NKAIN4: variants seen among roughly 807,000 people sequenced by gnomAD.
NKAIN4 encodes sodium/potassium-transporting ATPase subunit beta-1-interacting protein 4.
Under a neutral mutation model 28.8 loss-of-function variants are expected in NKAIN4, and 28 were observed. That is an observed-to-expected ratio of 0.97 (90% CI 0.72 to 1.33). NKAIN4 has a LOEUF of 1.33. NKAIN4 is among the 40% of genes most tolerant of loss of function. The pLI is 0.00. For synonymous variants in NKAIN4, 122 were observed against 115.6 expected (o/e 1.06, Z -0.36); for missense variants, 289 against 277.2 (o/e 1.04, Z -0.30).
intron 2 of NKAIN4, among the ~76,000 whole-genome samples, chr20:63,249,680 TCGTGAAGG>T (rs371376719): frequency 1.1e-3 from 167 of 152,202 alleles, no homozygotes; most frequent in African/African-American, 3.8e-3. Flanking sequence ...GGGGATGAAT[TCGTGAAGG>T]CGTTCAGTGC....
chr20:63,244,407 G>GCCCAGGCTGGATGAAC, intron 4 of NKAIN4: 1 of 509,034 alleles, frequency 2.0e-6, no homozygotes, highest in South Asian at 1.5e-5. Flanking sequence ...GGACACAGAA[G>GCCCAGGCTGGATGAAC]CCCAGGCTGG....
chr20:63,248,748 G>A lies in NKAIN4; in HGVS notation c.273+67C>T, dbSNP rs556789198. 196 of 985,330 alleles carry A rather than the reference G, an allele frequency of 2.0e-4. No homozygotes were observed. In the African/African-American group the frequency reaches 2.7e-3, roughly 14 times the overall value. 61.0% of individuals were successfully genotyped at this position (985,330 alleles called of 1,614,324 possible). ...CGACAGATGAAAAGCAAACACAGGG[G>A]GTGTTACCAGGGGCCCGGCCCAGAC... On this transcript the variant is annotated intron_variant, in intron 3 of 6. Transcript: ENST00000370316.
chr20:63,251,289 C>T (rs6010883), intron 1 of NKAIN4, among the ~76,000 whole-genome samples: 128,611 of 151,934 alleles, frequency 0.85, 54,569 homozygotes, highest in East Asian at 0.97. Flanking sequence ...AACATGAAGG[C>T]GGACTAGGAG....
rs551813353 is a variant in NKAIN4, at chr20:63,247,917, C to T, written c.274-142G>A. On this transcript the variant is annotated intron_variant, in intron 3 of 6. Transcript: ENST00000370316. ...TCCCCTGTCCTCCCACTGCACCCCGCCCCCAGGGCTCCAGCCATGGTGGGG... is the reference window on the plus strand; with the variant it reads ...TCCCCTGTCCTCCCACTGCACCCCGTCCCCAGGGCTCCAGCCATGGTGGGG... 1.7e-5 allele frequency: 20 copies of T among 1,211,108 alleles called. No homozygotes were observed. The Admixed American group carries it at 5.8e-4, about 35-fold the overall frequency. 75.0% of individuals were successfully genotyped at this position (1,211,108 alleles called of 1,614,324 possible).
intron 4 of NKAIN4, chr20:63,246,655 C>T (rs893970230): frequency 3.0e-6 from 3 of 985,252 alleles, no homozygotes; most frequent in Non-Finnish European, 2.4e-6. Context: ...CACCACCGTG[C>T]GCACCAGGAA....
At chr20:63,253,693 A>G (rs1212954312) in intron 1 of NKAIN4, among the ~76,000 whole-genome samples, 1 of 152,016 alleles carries the variant, frequency 6.6e-6, no homozygotes, top group Non-Finnish European at 1.5e-5. Flanking sequence ...CAGGCGTCCC[A>G]GGGAGCTTCG....
chr20:63,241,729 C>G (rs1415649322), intron 6 of NKAIN4: 5 of 687,320 alleles, frequency 7.3e-6, no homozygotes, highest in Non-Finnish European at 1.4e-5. Flanking sequence ...TTGCTGACAT[C>G]TCAGTGGGGT....
intron 4 of NKAIN4, among the ~76,000 whole-genome samples, chr20:63,244,855 G>A (rs571190141): frequency 2.0e-5 from 3 of 152,334 alleles, no homozygotes; most frequent in Non-Finnish European, 2.9e-5. Flanking sequence ...AGACACCGAG[G>A]GAGGCGGCAG....
chr20:63,248,735 A>C, intron 3 of NKAIN4, 80 bp downstream of exon 3: 1 of 908,296 alleles, frequency 1.1e-6, no homozygotes, highest in Non-Finnish European at 1.8e-6. Context: ...ACAGATGAAA[A>C]GCAAACACAG....
chr20:63,242,908 G>A (rs2066786089), intron 5 of NKAIN4, among the ~76,000 whole-genome samples: 1 of 151,198 alleles, frequency 6.6e-6, no homozygotes, highest in South Asian at 2.1e-4. Flanking sequence ...GGCAGGGGTA[G>A]GACAGCCCGG....
At chr20:63,253,122 G>T in intron 1 of NKAIN4, 2 of 773,740 alleles carry the variant, frequency 2.6e-6, no homozygotes, top group South Asian at 5.8e-5. Flanking sequence ...ACGGGCACTG[G>T]AGTCTTCGAG....
At chr20:63,254,279 G>C (rs554732868) in intron 1 of NKAIN4, 118 bp downstream of exon 1, 9 of 811,332 alleles carry the variant, frequency 1.1e-5, no homozygotes, top group Non-Finnish European at 1.6e-5. Context: ...TCCCCCCTCG[G>C]AGCTGGCGCG....
intron 5 of NKAIN4, 115 bp from the exon 6 acceptor site, chr20:63,242,738 G>GT (rs2035437486): frequency 1.8e-6 from 1 of 552,278 alleles, no homozygotes; most frequent in African/African-American, 2.0e-5. Context: ...GGCACAGACA[G>GT]TGCCCAAAGC....
intron 2 of NKAIN4, among the ~76,000 whole-genome samples, 175 bp downstream of exon 2, chr20:63,249,760 G>A (rs1021508690): frequency 2.6e-5 from 4 of 152,156 alleles, no homozygotes; most frequent in African/African-American, 7.2e-5. Flanking sequence ...CCCTCCGTCC[G>A]AACCAGAATT....
intron 2 of NKAIN4, among the ~76,000 whole-genome samples, chr20:63,249,600 A>G (rs2066920834): frequency 6.6e-6 from 1 of 152,194 alleles, no homozygotes; most frequent in Non-Finnish European, 1.5e-5. Flanking sequence ...GGCTTCCGAC[A>G]GTGATTCTGT....
In NKAIN4 at chr20:63,244,146, G is replaced by C. The variant is rs544804679; in HGVS notation, c.472-62C>G. On this transcript the variant is annotated intron_variant, in intron 4 of 6. Transcript: ENST00000370316. The stretch of plus-strand genomic sequence containing the variant: ...AGGCGAGCCTGTGGGGTGTCATTGA[G>C]GCGATGTGGGCCGAAGCACTGGAGC... 3.4e-6 allele frequency: 5 copies of C among 1,458,050 alleles called. No homozygotes were observed. In the South Asian group the frequency reaches 5.9e-5, roughly 17 times the overall value. 90.3% of individuals were successfully genotyped at this position (1,458,050 alleles called of 1,614,324 possible).
At chr20:63,249,470 C>T (rs932998779) in intron 2 of NKAIN4, among the ~76,000 whole-genome samples, 1 of 152,226 alleles carries the variant, frequency 6.6e-6, no homozygotes, top group Non-Finnish European at 1.5e-5. Context: ...TTTGGTTCTG[C>T]ACTGAATGAA....
upstream of NKAIN4, chr20:63,254,597 C>T (rs1042918289): frequency 3.7e-6 from 2 of 543,432 alleles, no homozygotes; most frequent in Admixed American, 4.5e-5. Flanking sequence ...CCAGCCCCAG[C>T]CCCGGGTAAC....
intron 6 of NKAIN4, 130 bp downstream of exon 6, chr20:63,242,409 A>C: frequency 1.4e-6 from 1 of 734,078 alleles, no homozygotes; most frequent in Non-Finnish European, 2.4e-6. Flanking sequence ...GTGAGAGTGG[A>C]TGGATGGACG....
Sources: allele counts gnomAD v4.1 joint callset (sites outside exome capture counted in the v4.1 genomes callset), GRCh38; gene constraint gnomAD v4.1.1; transcripts MANE v1.5; gene names NCBI Gene and HGNC (gene_info 2026-07-23, HGNC 2026-07-21).